Variants in ZNF552 observed in about 807,000 individuals in gnomAD.
ZNF552 encodes zinc finger protein 552.
Under a neutral mutation model 7.2 loss-of-function variants are expected in ZNF552, and 2 were observed. That is an observed-to-expected ratio of 0.28 (90% CI 0.11 to 0.88). ZNF552 has a LOEUF of 0.88. ZNF552 is among the 40% of genes least tolerant of loss of function. The pLI is 0.60. For missense variants in ZNF552, 421 were observed against 493.4 expected, an observed-to-expected ratio of 0.85 and a Z score of 1.39; for synonymous variants, 173 against 176.5, an observed-to-expected ratio of 0.98 and a Z score of 0.16.
At position 57,809,014 on chromosome 19, in the gene ZNF552, C is replaced by T; in HGVS notation, c.250G>A (p.Gly84Ser). 6.4e-7 allele frequency: 1 copy of T among 1,566,616 alleles called. No homozygotes were observed. Residue 84 changes from glycine to serine, a missense_variant, in exon 3 of 3, where the codon GGT (glycine) becomes AGT (serine). Gly to Ser is a moderately conservative substitution (Grantham distance 56). Coordinates refer to ENST00000391701, the MANE Select transcript of ZNF552 (RefSeq NM_024762.3). ...RETQVRTPMA[G>S]VSPKKAHPCE... ...GGGTGGGCCTTCTTGGGAGACACAC[C>T]TGCCATAGGAGTCCTGACCTGAGTC...
chr19:57,812,438 C>G (rs1987875201), intron 2 of ZNF552, among the ~76,000 whole-genome samples: 1 of 151,830 alleles, frequency 6.6e-6, no homozygotes, highest in African/African-American at 2.4e-5. Flanking sequence ...GAAGATGATC[C>G]CACCACCAAG....
At chr19:57,813,922 T>C (rs1439263097) in intron 1 of ZNF552, among the ~76,000 whole-genome samples, 6 of 151,956 alleles carry the variant, frequency 3.9e-5, no homozygotes, top group African/African-American at 1.2e-4. Context: ...TTTGTATTTT[T>C]AGTAGAGACA....
At position 57,808,114 on chromosome 19, in the gene ZNF552, C is replaced by T. The variant is rs773897994; in HGVS notation, c.1150G>A (p.Glu384Lys). 6.2e-7 allele frequency: 1 copy of T among 1,613,710 alleles called. No individual in the cohort carries two copies. The highest frequency in any genetic ancestry group is 8.5e-7 in the Non-Finnish European group (1 of 1,179,920). ...ATTTGCCTAAATTTTTTTTCACATT[C>T]ACTGCACCCGTAAGGCTTTTCTCCA... ...HTGEKPYGCSECEKKFRQISS... is the reference protein window; with the variant it reads ...HTGEKPYGCSKCEKKFRQISS... Residue 384 changes from glutamate (E) to lysine (K), a missense_variant, in exon 3 of 3, where the codon GAA becomes AAA. Around this residue, in one of 2 missense-constraint regions of ZNF552, gnomAD observed 299 missense variants for 293.7 expected, o/e 1.02. Coordinates refer to ENST00000391701, the MANE Select transcript of ZNF552 (RefSeq NM_024762.3).
intron 1 of ZNF552, 142 bp from the exon 2 acceptor site, chr19:57,813,562 T>C: frequency 7.3e-7 from 1 of 1,369,800 alleles, no homozygotes; most frequent in Non-Finnish European, 1.0e-6. Context: ...GGTCATGGGG[T>C]ACAGCCACCA....
Position 57,810,605 on chromosome 19 carries a change from G to A in ZNF552, c.161-1502C>T, listed in dbSNP as rs541315548. ...ACTACTCCCTACTCTCAAGGACCCA[G>A]GGACACAAAACACTGCCTAGGAAAG... On this transcript the variant is annotated intron_variant, in intron 2 of 2. Transcript: ENST00000391701. 4.8e-3 allele frequency among the ~76,000 whole-genome samples: 731 copies of A among 152,258 alleles called. 9 individuals are homozygous for A. Among genetic ancestry groups the A allele is most frequent in the African/African-American group, 0.017 (700 of 41,558 alleles).
intron 1 of ZNF552, among the ~76,000 whole-genome samples, chr19:57,814,045 T>C (rs924141045): frequency 1.3e-5 from 2 of 152,018 alleles, no homozygotes; most frequent in Non-Finnish European, 2.9e-5. Flanking sequence ...CACCCTCCAC[T>C]TTCTTGTATG....
At position 57,808,273 on chromosome 19, in the gene ZNF552, T is replaced by A. The variant is rs1987780830; in HGVS notation, c.991A>T (p.Lys331Ter). Residue 331 changes from lysine to a stop codon, truncating the protein, a stop_gained, in exon 3 of 3, where the codon AAG (lysine) becomes TAG (stop). Transcript: ENST00000391701. LOFTEE classifies it low-confidence loss of function (END_TRUNC). ...AATGTAGAGCTGTGGGTAAATGACT[T>A]CCCACAATCACTGCATTCATATGGC... ...ERPYECSDCG[K>*]SFTHSSTFRV... 6.2e-7 allele frequency: 1 copy of A among 1,614,148 alleles called. No individual in the cohort carries two copies. Among genetic ancestry groups the A allele is most frequent in the Non-Finnish European group, 8.5e-7 (1 of 1,180,024 alleles).
intron 1 of ZNF552, among the ~76,000 whole-genome samples, chr19:57,813,686 G>C (rs974118150): frequency 6.7e-6 from 1 of 148,756 alleles, no homozygotes; most frequent in Non-Finnish European, 1.5e-5. Flanking sequence ...AAAGCCCAAT[G>C]TGGCACCTTC....
At chr19:57,811,395 C>G (rs987726183) in intron 2 of ZNF552, among the ~76,000 whole-genome samples, 1 of 152,056 alleles carries the variant, frequency 6.6e-6, no homozygotes, top group Non-Finnish European at 1.5e-5. Context: ...ATCTCCTGAC[C>G]TCGTGATCCG....
chr19:57,814,566 T>C lies in ZNF552; in HGVS notation c.33+145A>G, dbSNP rs150385447. 1,421 of 1,553,246 alleles carry C rather than the reference T, an allele frequency of 9.1e-4. 4 individuals are homozygous for C. Among genetic ancestry groups the C allele is most frequent in the Middle Eastern group, 4.3e-3 (26 of 6,000 alleles). ...CTCCCCACCGCATCCCACGGGTGTC[T>C]GAAACAGGGATCCCTCCCGAGAGCG... On this transcript the variant is annotated intron_variant, in intron 1 of 2. Coordinates refer to ENST00000391701, the MANE Select transcript of ZNF552 (RefSeq NM_024762.3).
Position 57,812,247 on chromosome 19 carries a change from C to T in ZNF552, c.160+1047G>A, listed in dbSNP as rs1477784569. On this transcript the variant is annotated intron_variant, in intron 2 of 2. Transcript: ENST00000391701. The stretch of plus-strand genomic sequence containing the variant: ...AAAAACAAGAATGAAGGAGAAAAGA[C>T]GATACAGAAATCATGTGTGCTTACT... Among the ~76,000 whole-genome samples the T allele has an allele frequency of 2.6e-5, 4 of 151,872 alleles. No individual in the cohort carries two copies. In the East Asian group the frequency reaches 7.7e-4, roughly 29 times the overall value.
chr19:57,808,506 T>C lies in ZNF552; in HGVS notation c.758A>G (p.Asp253Gly), dbSNP rs1987786687. ...AACTCCTTGATGATTACTGAAGCTG[T>C]CATATTTGCTAGAGGATTTCCCACA... ...CECGKSSSKY[D>G]SFSNHQGVHT... The change falls in exon 3 of 3, where the codon GAC becomes GGC. Residue 253 changes from aspartate to glycine, a missense_variant. Coordinates refer to ENST00000391701, the MANE Select transcript of ZNF552 (RefSeq NM_024762.3). The C allele has an allele frequency of 1.2e-6, 2 of 1,613,772 alleles. No homozygotes were observed. Among genetic ancestry groups the C allele is most frequent in the African/African-American group, 2.7e-5 (2 of 74,920 alleles).
chr19:57,810,343 G>A (rs1987830429), intron 2 of ZNF552, among the ~76,000 whole-genome samples: 1 of 152,076 alleles, frequency 6.6e-6, no homozygotes, highest in Non-Finnish European at 1.5e-5. Flanking sequence ...GGAAAAGAAA[G>A]AGAGATCAGA....
intron 2 of ZNF552, among the ~76,000 whole-genome samples, chr19:57,809,628 C>G (rs758752579): frequency 6.7e-6 from 1 of 148,568 alleles, no homozygotes; most frequent in Middle Eastern, 3.4e-3. Flanking sequence ...AGCTCATGTA[C>G]AAATCAGTTA....
chr19:57,814,678 G>A (rs1244863153), intron 1 of ZNF552, 33 bp downstream of exon 1: 3 of 1,613,994 alleles, frequency 1.9e-6, no homozygotes, highest in African/African-American at 1.3e-5. Context: ...TGACTAGGAG[G>A]TGACCGGAGA....
intron 2 of ZNF552, among the ~76,000 whole-genome samples, chr19:57,812,234 G>A (rs1426307623): frequency 6.6e-6 from 1 of 151,868 alleles, no homozygotes; most frequent in Non-Finnish European, 1.5e-5. Flanking sequence ...AAACAAGAAT[G>A]AAGGAGAAAA....
At chr19:57,814,610 G>A (rs1987923687) in intron 1 of ZNF552, 101 bp downstream of exon 1, 4 of 1,599,932 alleles carry the variant, frequency 2.5e-6, no homozygotes, top group Non-Finnish European at 3.4e-6. Flanking sequence ...TCCCGACGCC[G>A]GGTCCGGGTT....
intron 1 of ZNF552, 104 bp downstream of exon 1, chr19:57,814,607 G>T (rs777520087): frequency 1.3e-6 from 2 of 1,596,654 alleles, no homozygotes; most frequent in Non-Finnish European, 1.7e-6. Context: ...GTGTCCCGAC[G>T]CCGGGTCCGG....
In ZNF552 at chr19:57,813,120, G is replaced by GTTGGT. The variant is rs1208139606; in HGVS notation, c.160+173_160+174insACCAA. Reference sequence around the variant, plus strand: ...CTTCCCTGGGAGCTCAATAGCAGGTGTTGGGGCTGCTCCAAGAATGGAGAG... The same window carrying GTTGGT: ...CTTCCCTGGGAGCTCAATAGCAGGTGTTGGTTTGGGGCTGCTCCAAGAATGGAGAG... On this transcript the variant is annotated intron_variant, in intron 2 of 2. Transcript: ENST00000391701. 2.2e-5 allele frequency: 25 copies of GTTGGT among 1,126,870 alleles called. No individual in the cohort carries two copies. The East Asian group carries it at 5.5e-4, about 25-fold the overall frequency. The allele number at this position is 1,126,870 out of a possible 1,614,324, so 69.8% of individuals were successfully genotyped here. A position where few individuals can be genotyped will look rare whatever the true frequency, so the allele number is the denominator to read the frequency against.
Sources: gnomAD v4.1 joint callset for allele counts (sites outside exome capture counted in the v4.1 genomes callset) on GRCh38, gnomAD v4.1.1 for gene constraint, gnomAD v4.1.1 regional missense constraint, MANE v1.5 for transcripts, NCBI Gene and HGNC (gene_info 2026-07-23, HGNC 2026-07-21) for gene names.